Variants in DCLK1 observed in about 807,000 individuals in gnomAD.
DCLK1 encodes the protein doublecortin like kinase 1.
Under a neutral mutation model 86.2 loss-of-function variants are expected in DCLK1, and 16 were observed. The observed-to-expected ratio is 0.19, with a 90% confidence interval of 0.13 to 0.28. The LOEUF (loss-of-function observed/expected upper bound fraction) is 0.28, where lower values mean the gene tolerates loss of function less well. Among genes scored for constraint, DCLK1 ranks in the 10% least tolerant of loss-of-function variants. DCLK1 has a pLI of 1.00. For synonymous variants in DCLK1, 369 were observed against 370.5 expected (o/e 1.00, Z 0.05); for missense variants, 590 against 940.2 (o/e 0.63, Z 4.87).
At chr13:35,967,953 G>A (rs566836275) in intron 3 of DCLK1, among the ~76,000 whole-genome samples, 12 of 152,162 alleles carry the variant, frequency 7.9e-5, no homozygotes, top group Non-Finnish European at 1.6e-4. Context: ...TCTGGGAGAC[G>A]GAGGCTGCAG....
At chr13:36,088,261 G>A (rs947076287) in intron 3 of DCLK1, among the ~76,000 whole-genome samples, 1 of 152,184 alleles carries the variant, frequency 6.6e-6, no homozygotes, top group Admixed American at 6.5e-5. Context: ...CATATCCTTT[G>A]AGGAAAACTC....
At chr13:35,849,686 T>A (rs1310880761) in intron 6 of DCLK1, 1 of 984,506 alleles carries the variant, frequency 1.0e-6, no homozygotes, top group Non-Finnish European at 1.2e-6. Flanking sequence ...ACTTAATTGG[T>A]TTAACACAAA....
intron 11 of DCLK1, among the ~76,000 whole-genome samples, chr13:35,813,548 GA>G (rs1381319886): frequency 3.3e-5 from 5 of 151,746 alleles, no homozygotes; most frequent in African/African-American, 1.2e-4. Flanking sequence ...CAATAACTAA[GA>G]AAAAATCACT....
Position 36,095,610 on chromosome 13 carries a change from G to A in DCLK1, c.723+16259C>T, listed in dbSNP as rs538543345. Among the ~76,000 whole-genome samples, 14 of 152,170 alleles carry A rather than the reference G, an allele frequency of 9.2e-5. No homozygotes were observed. The East Asian group carries it at 1.4e-3, about 15-fold the overall frequency. ...AAAACAAGACTTGATTTATGTCACC[G>A]GATAAGTAAATATCATGGACATATA... On this transcript the variant is annotated intron_variant, in intron 3 of 16. Transcript: ENST00000360631.
intron 3 of DCLK1, among the ~76,000 whole-genome samples, chr13:35,986,290 G>C (rs187120099): frequency 4.5e-4 from 53 of 117,278 alleles, no homozygotes; most frequent in Middle Eastern, 0.011. Context: ...TGACAGAGTG[G>C]ACTCCGTCTC....
intron 4 of DCLK1, among the ~76,000 whole-genome samples, chr13:35,930,642 A>C (rs1188192135): frequency 1.3e-5 from 2 of 152,126 alleles, no homozygotes; most frequent in Non-Finnish European, 2.9e-5. Context: ...AAAAAAAACA[A>C]AGCAAAAACA....
intron 4 of DCLK1, among the ~76,000 whole-genome samples, 167 bp from the exon 5 acceptor site, chr13:35,871,507 G>GGAA (rs1872273330): frequency 6.6e-6 from 1 of 152,064 alleles, no homozygotes; most frequent in Non-Finnish European, 1.5e-5. Context: ...AAAACAAAGA[G>GGAA]GAAGGACAGG....
At chr13:36,000,835 A>G (rs1000190307) in intron 3 of DCLK1, among the ~76,000 whole-genome samples, 6 of 152,252 alleles carry the variant, frequency 3.9e-5, no homozygotes, top group African/African-American at 1.4e-4. Flanking sequence ...GTGACATTCA[A>G]TAAATACATG....
intron 2 of DCLK1, among the ~76,000 whole-genome samples, chr13:36,114,075 C>A (rs183223433): frequency 4.6e-5 from 7 of 151,932 alleles, no homozygotes; most frequent in African/African-American, 1.7e-4. Context: ...TAACTAAAAG[C>A]AAAACAAAGA....
intron 4 of DCLK1, among the ~76,000 whole-genome samples, chr13:35,911,103 G>A (rs1260431896): frequency 1.7e-5 from 2 of 120,308 alleles, no homozygotes; most frequent in Non-Finnish European, 3.4e-5. Context: ...CTAACACGGT[G>A]AAACCCCATC....
At chr13:35,923,235 T>A (rs2153127334) in intron 4 of DCLK1, among the ~76,000 whole-genome samples, 1 of 152,244 alleles carries the variant, frequency 6.6e-6, no homozygotes, top group South Asian at 2.1e-4. Context: ...TGATGGGGAC[T>A]TTAGAGACGG....
At chr13:35,917,582 T>G (rs530349844) in intron 4 of DCLK1, among the ~76,000 whole-genome samples, 1 of 152,138 alleles carries the variant, frequency 6.6e-6, no homozygotes, top group Non-Finnish European at 1.5e-5. Flanking sequence ...AGAGAAAGCA[T>G]GCCAAGCCTT....
At position 35,769,458 on chromosome 13, in the gene DCLK1, T is replaced by TA. The variant is rs1408366945; in HGVS notation, c.*5076dup. The TA allele has an allele frequency of 1.3e-5, 2 of 152,226 alleles. No individual in the cohort carries two copies. The highest frequency in any genetic ancestry group is 2.9e-5 in the Non-Finnish European group (2 of 68,026). The allele number at this position is 152,226 out of a possible 1,614,324, so 9.4% of individuals were successfully genotyped here. A position where few individuals can be genotyped will look rare whatever the true frequency, so the allele number is the denominator to read the frequency against. ...AAAAAGGCTAGTATTAATTTCCTAA[T>TA]AAAATTTTTTTTCAAAAGTTATCGA... On this transcript the variant is annotated 3_prime_UTR_variant, in exon 17 of 17. Coordinates refer to ENST00000360631, the MANE Select transcript of DCLK1 (RefSeq NM_001330071.2).
intron 3 of DCLK1, among the ~76,000 whole-genome samples, chr13:35,967,622 A>C (rs900694207): frequency 3.3e-5 from 5 of 152,182 alleles, no homozygotes; most frequent in Non-Finnish European, 5.9e-5. Flanking sequence ...AGATGCTTGA[A>C]GGCAGCATAC....
chr13:35,797,861 C>T lies in DCLK1; in HGVS notation c.1945-4382G>A, dbSNP rs190502607. On this transcript the variant is annotated intron_variant, in intron 15 of 16. Coordinates refer to ENST00000360631, the MANE Select transcript of DCLK1 (RefSeq NM_001330071.2). ...CATGCATCAATAAAATAAATAGGGACGTTAAAAACATAAATTTATATATAT... is the reference window on the plus strand; with the variant it reads ...CATGCATCAATAAAATAAATAGGGATGTTAAAAACATAAATTTATATATAT... Among the ~76,000 whole-genome samples the T allele has an allele frequency of 3.8e-3, 573 of 152,158 alleles. 6 individuals carry two copies. The highest frequency in any genetic ancestry group is 0.011 in the South Asian group (53 of 4,822).
chr13:36,078,039 G>A (rs138246276), intron 3 of DCLK1, among the ~76,000 whole-genome samples: 52 of 152,198 alleles, frequency 3.4e-4, no homozygotes, highest in South Asian at 8.3e-4. Context: ...CCAATACGAC[G>A]GTATTTGGAG....
intron 3 of DCLK1, among the ~76,000 whole-genome samples, chr13:36,090,201 T>C (rs2138134434): frequency 6.6e-6 from 1 of 152,164 alleles, no homozygotes. Flanking sequence ...AAAAGAAAAA[T>C]AGTTTTCTTT....
intron 7 of DCLK1, 133 bp downstream of exon 7, chr13:35,838,959 T>G (rs1470238253): frequency 1.3e-6 from 1 of 750,872 alleles, no homozygotes; most frequent in African/African-American, 1.8e-5. Flanking sequence ...TTCAACCCTA[T>G]CCCCTTGTGA....
chr13:36,073,052 C>T (rs1483931373), intron 3 of DCLK1, among the ~76,000 whole-genome samples: 2 of 152,204 alleles, frequency 1.3e-5, no homozygotes, highest in African/African-American at 4.8e-5. Context: ...CTCTACTGTA[C>T]CACTTACAGC....
Sources: allele counts gnomAD v4.1 joint callset (sites outside exome capture counted in the v4.1 genomes callset), GRCh38; gene constraint gnomAD v4.1.1; transcripts MANE v1.5; gene names NCBI Gene and HGNC (gene_info 2026-07-23, HGNC 2026-07-21).